ZFYVE26: variants seen among roughly 807,000 people sequenced by gnomAD.
ZFYVE26 encodes zinc finger FYVE-type containing 26.
Under a neutral mutation model 276.5 loss-of-function variants are expected in ZFYVE26, and 181 were observed. The ratio of observed to expected loss-of-function variants is 0.65; its 90% CI spans 0.58 to 0.74. ZFYVE26 has a LOEUF of 0.74. Ranked by LOEUF, ZFYVE26 falls within the 30% of genes least tolerant of loss-of-function variation. ZFYVE26 has a pLI of 0.00. For missense variants in ZFYVE26, 2,821 were observed against 3,097.9 expected, an observed-to-expected ratio of 0.91 and a Z score of 2.12; for synonymous variants, 1,129 against 1,203.1, an observed-to-expected ratio of 0.94 and a Z score of 1.27.
Position 67,767,769 on chromosome 14 carries a change from C to A in ZFYVE26, c.5725G>T (p.Glu1909Ter). 4 of 1,614,214 alleles carry A rather than the reference C, an allele frequency of 2.5e-6. No individual in the cohort carries two copies. The highest frequency in any genetic ancestry group is 3.4e-6 in the Non-Finnish European group (4 of 1,180,050). Residue 1909 changes from glutamate (E) to a stop codon, truncating the protein, a stop_gained, in exon 31 of 42, where the codon GAA becomes TAA. Transcript: ENST00000347230. LOFTEE classifies it high-confidence loss of function. ...TCCTCTTTGAGATCCAAAATCCATTCCACCTCATCTGCTTTGGGGACTCTC... is the reference window on the plus strand; with the variant it reads ...TCCTCTTTGAGATCCAAAATCCATTACACCTCATCTGCTTTGGGGACTCTC... ...VVRVPKADEV[E>*]WILDLKEEEN...
intron 10 of ZFYVE26, chr14:67,799,122 C>T: frequency 7.3e-7 from 1 of 1,374,218 alleles, no homozygotes; most frequent in Admixed American, 1.7e-5. Context: ...GACTAGGAGG[C>T]GTACTGGCGG....
intron 32 of ZFYVE26, 31 bp downstream of exon 32, chr14:67,766,196 T>C: frequency 6.2e-7 from 1 of 1,608,202 alleles, no homozygotes; most frequent in East Asian, 2.2e-5. Flanking sequence ...ACTGCTCCTG[T>C]GTAAAAGAAT....
Position 67,775,838 on chromosome 14 carries a change from C to T in ZFYVE26, c.5221+22G>A, listed in dbSNP as rs73278446. 1.6e-3 allele frequency: 2,629 copies of T among 1,614,030 alleles called. 38 individuals are homozygous for T. In the African/African-American group the frequency reaches 0.031, roughly 19 times the overall value. On this transcript the variant is annotated intron_variant, in intron 26 of 41. Coordinates refer to ENST00000347230, the MANE Select transcript of ZFYVE26 (RefSeq NM_015346.4). ...CATTTCTTCCTCCATGTAGAATCCC[C>T]TTCTAGGATGCTAGCAGTTACCTGA...
Position 67,752,482 on chromosome 14 carries a change from G to A in ZFYVE26, c.7233C>T (p.Arg2411=). 2 of 1,614,132 alleles carry A rather than the reference G, an allele frequency of 1.2e-6. No homozygotes were observed. The highest frequency in any genetic ancestry group is 1.3e-5 in the African/African-American group (1 of 75,038). The part of the protein sequence containing the change: ...DAAMTYCRAA[R]QLVEKEKYSE... ...TGTACTTCTCTTTCTCCACCAACTGGCGGGCAGCTCTGCAGTAGGTCATGG... is the reference window on the plus strand; with the variant it reads ...TGTACTTCTCTTTCTCCACCAACTGACGGGCAGCTCTGCAGTAGGTCATGG... The change falls in exon 40 of 42, where the codon CGC becomes CGT. Residue 2411 remains arginine (R), a synonymous_variant. Transcript: ENST00000347230.
At chr14:67,761,803 A>G in intron 34 of ZFYVE26, 1 of 596,450 alleles carries the variant, frequency 1.7e-6, no homozygotes, top group Non-Finnish European at 2.9e-6. Context: ...CAATGTGGAA[A>G]AATGTTCATA....
At chr14:67,774,929 A>G in intron 27 of ZFYVE26, 87 bp downstream of exon 27, 1 of 737,036 alleles carries the variant, frequency 1.4e-6, no homozygotes, top group Non-Finnish European at 2.1e-6. Flanking sequence ...GAAAAAAAGA[A>G]GCAAAAAAAA....
Position 67,802,252 on chromosome 14 carries a change from A to G in ZFYVE26, c.1466T>C (p.Leu489Pro). 3.1e-6 allele frequency: 5 copies of G among 1,614,220 alleles called. No homozygotes were observed. The highest frequency in any genetic ancestry group is 4.2e-6 in the Non-Finnish European group (5 of 1,180,028). The change falls in exon 10 of 42, where the codon CTG becomes CCG. Residue 489 changes from leucine (L) to proline (P), a missense_variant. Transcript: ENST00000347230. ...GAGTGTCAGGTTCTGACACTGGCTC[A>G]GGTGCTCAGGGACTGGAGCATCAAC... is the stretch of plus-strand genomic sequence containing the variant. The part of the protein sequence containing the change: ...DAVDAPVPEH[L>P]SQCQNLTLYQ...
chr14:67,799,361 G>A, intron 10 of ZFYVE26: 1 of 1,611,506 alleles, frequency 6.2e-7, no homozygotes. Flanking sequence ...TAAGGCCTTT[G>A]TCAAAGAATC....
At chr14:67,751,209 C>T in intron 40 of ZFYVE26, 113 bp from the exon 41 acceptor site, 1 of 1,276,982 alleles carries the variant, frequency 7.8e-7, no homozygotes, top group Non-Finnish European at 1.1e-6. Context: ...AAATGTCTGC[C>T]TGACTTTTTT....
intron 35 of ZFYVE26, among the ~76,000 whole-genome samples, chr14:67,759,244 G>GAAAAAA (rs1171265652): frequency 1.2e-5 from 1 of 81,640 alleles, no homozygotes; most frequent in African/African-American, 5.0e-5. Flanking sequence ...GACTCTGTCT[G>GAAAAAA]AAAAAAAAAA....
In ZFYVE26 at chr14:67,747,109, A is replaced by AGT. The variant is rs746733030; in HGVS notation, c.*1325_*1326dup. On this transcript the variant is annotated 3_prime_UTR_variant, in exon 42 of 42. Coordinates refer to ENST00000347230, the MANE Select transcript of ZFYVE26 (RefSeq NM_015346.4). ...GGGACCAATAGGCTGAGCTCTGGCCAGTGAGAGGTTCAGAGCTGCAGAGCT... is the reference window on the plus strand; with the variant it reads ...GGGACCAATAGGCTGAGCTCTGGCCAGTGTGAGAGGTTCAGAGCTGCAGAGCT... The AGT allele has an allele frequency of 5.2e-5, 8 of 152,650 alleles. No homozygotes were observed. Among genetic ancestry groups the AGT allele is most frequent in the African/African-American group, 1.9e-4 (8 of 41,452 alleles). The allele number at this position is 152,650 out of a possible 1,614,324, so 9.5% of individuals were successfully genotyped here.
intron 40 of ZFYVE26, 143 bp from the exon 41 acceptor site, chr14:67,751,239 C>G (rs2038634384): frequency 1.2e-6 from 1 of 837,486 alleles, no homozygotes; most frequent in African/African-American, 1.7e-5. Flanking sequence ...GACATGGGGT[C>G]TCACTATGTT....
intron 28 of ZFYVE26, among the ~76,000 whole-genome samples, chr14:67,770,972 T>A (rs866006130): frequency 1.7e-3 from 236 of 135,862 alleles, no homozygotes; most frequent in South Asian, 2.4e-3. Flanking sequence ...TTTTTTTTTT[T>A]AAATCAACTT....
rs751107121 is a variant in ZFYVE26 at position 67,807,561 on chromosome 14, C to T, written c.723G>A (p.Glu241=). 2.5e-6 allele frequency: 4 copies of T among 1,614,218 alleles called. No individual in the cohort carries two copies. In the South Asian group the frequency reaches 3.3e-5, roughly 13 times the overall value. Residue 241 remains glutamate, a synonymous_variant, in exon 5 of 42, where the codon GAG becomes GAA. Transcript: ENST00000347230. ...PLGVELHLLC[E]ELLEACRTEG... is the part of the protein sequence containing the mutation. ...CGGTCCTGCAGGCCTCTAGTAGTTC[C>T]TCACACAGGAGATGCAACTCAACCC...
At chr14:67,797,922 G>T (rs760750215) in intron 11 of ZFYVE26, 92 bp downstream of exon 11, 4 of 1,602,774 alleles carry the variant, frequency 2.5e-6, no homozygotes, top group Non-Finnish European at 3.4e-6. Context: ...GAGTTATGGG[G>T]TGACTCCTAT....
Position 67,776,108 on chromosome 14 carries a change from T to C in ZFYVE26, c.4975-2A>G. ...CTGCTCAGGCAGGGTCAGCAGAATC[T>C]GTTTGTGGGGTAGATCCATAGAGTA... On this transcript the variant is annotated splice_acceptor_variant, in intron 25 of 41. Transcript: ENST00000347230. LOFTEE classifies it high-confidence loss of function. The C allele has an allele frequency of 6.2e-7, 1 of 1,614,134 alleles. No individual in the cohort carries two copies. The highest frequency in any genetic ancestry group is 8.5e-7 in the Non-Finnish European group (1 of 1,180,008).
intron 27 of ZFYVE26, among the ~76,000 whole-genome samples, chr14:67,774,617 G>A (rs1486492712): frequency 6.6e-6 from 1 of 152,174 alleles, no homozygotes; most frequent in Non-Finnish European, 1.5e-5. Context: ...ACCTGTTAGT[G>A]GGGGTGGCCT....
chr14:67,805,260 A>G lies in ZFYVE26; in HGVS notation c.1228T>C (p.Trp410Arg), dbSNP rs774078953. 1.8e-5 allele frequency: 29 copies of G among 1,614,152 alleles called. No homozygotes were observed. The East Asian group carries it at 5.6e-4, about 31-fold the overall frequency. Reference sequence around the variant, plus strand: ...CACTCCAGGACCTCCAGGTGAGCCCACAACCCATCACAGGCATCCCTGAGG... The same window carrying G: ...CACTCCAGGACCTCCAGGTGAGCCCGCAACCCATCACAGGCATCCCTGAGG... The part of the protein sequence containing the change: ...ELLRDACDGL[W>R]AHLEVLEWCI... The change falls in exon 8 of 42, where the codon TGG (tryptophan) becomes CGG (arginine). Residue 410 changes from tryptophan to arginine, a missense_variant. Trp to Arg is a moderately radical substitution (Grantham distance 101). Coordinates refer to ENST00000347230, the MANE Select transcript of ZFYVE26 (RefSeq NM_015346.4).
chr14:67,755,993 C>G lies in ZFYVE26; in HGVS notation c.6741G>C (p.Lys2247Asn), dbSNP rs201076694. ...YLIAACQHLQ[K>N]KNYYHILYEL... ...CATACAGAATGTGGTAGTAGTTCTT[C>G]TTCTGTAAATGTTGGCAGGCAGCAA... Residue 2247 changes from lysine (K) to asparagine (N), a missense_variant, in exon 36 of 42, where the codon AAG (lysine) becomes AAC (asparagine). Physicochemically the swap from Lys to Asn is moderately conservative, Grantham distance 94. Coordinates refer to ENST00000347230, the MANE Select transcript of ZFYVE26 (RefSeq NM_015346.4). 6.2e-7 allele frequency: 1 copy of G among 1,614,108 alleles called. No individual in the cohort carries two copies. Among genetic ancestry groups the G allele is most frequent in the Non-Finnish European group, 8.5e-7 (1 of 1,180,046 alleles).
Sources: gnomAD v4.1 joint callset for allele counts (sites outside exome capture counted in the v4.1 genomes callset) on GRCh38, gnomAD v4.1.1 for gene constraint, MANE v1.5 for transcripts, NCBI Gene and HGNC (gene_info 2026-07-23, HGNC 2026-07-21) for gene names.